The following ADCYAP1R1 variants were observed in gnomAD, a reference collection of about 807,000 sequenced individuals.
ADCYAP1R1 encodes the protein ADCYAP receptor type I.
ADCYAP1R1 carries 44 observed loss-of-function variants against 67.6 expected under a neutral mutation model. The observed-to-expected ratio is 0.65, with a 90% confidence interval of 0.51 to 0.84. The LOEUF (loss-of-function observed/expected upper bound fraction) is 0.84, where lower values mean the gene tolerates loss of function less well. ADCYAP1R1 is among the 40% of genes least tolerant of loss of function. The probability of loss-of-function intolerance (pLI) is 0.00; values close to 1 mark genes in which losing one functional copy is unlikely to be tolerated. For synonymous variants in ADCYAP1R1, 222 were observed against 219.6 expected (o/e 1.01, Z -0.10); for missense variants, 477 against 587.9 (o/e 0.81, Z 1.95).
At chr7:31,058,940 G>A (rs1407172028) in intron 1 of ADCYAP1R1, among the ~76,000 whole-genome samples, 2 of 152,198 alleles carry the variant, frequency 1.3e-5, no homozygotes, top group Admixed American at 6.5e-5. Flanking sequence ...GCCATAGAAG[G>A]AGCTAATGCT....
intron 13 of ADCYAP1R1, among the ~76,000 whole-genome samples, chr7:31,096,998 C>T (rs949984868): frequency 6.6e-6 from 1 of 152,266 alleles, no homozygotes; most frequent in African/African-American, 2.4e-5. Context: ...CTGCACACCA[C>T]AGCTGCGGAA....
chr7:31,069,925 T>C (rs1794904243), intron 3 of ADCYAP1R1, among the ~76,000 whole-genome samples: 1 of 152,184 alleles, frequency 6.6e-6, no homozygotes, highest in African/African-American at 2.4e-5. Context: ...GGAGACATAG[T>C]CATTTTGTCC....
At chr7:31,090,616 A>G (rs1205575955) in intron 12 of ADCYAP1R1, among the ~76,000 whole-genome samples, 3 of 152,106 alleles carry the variant, frequency 2.0e-5, no homozygotes. Context: ...TGCCATTTTT[A>G]TGTCCATGAG....
chr7:31,091,156 T>C (rs1795947329), intron 12 of ADCYAP1R1, among the ~76,000 whole-genome samples: 1 of 152,258 alleles, frequency 6.6e-6, no homozygotes, highest in Non-Finnish European at 1.5e-5. Flanking sequence ...TGATTCTCAT[T>C]TCTCTGATGA....
intron 3 of ADCYAP1R1, among the ~76,000 whole-genome samples, chr7:31,066,060 A>G (rs1794724804): frequency 9.4e-6 from 1 of 106,146 alleles, no homozygotes; most frequent in African/African-American, 3.8e-5. Context: ...GGGCCCCACC[A>G]GTGAGGGAAA....
Position 31,102,316 on chromosome 7 carries a change from G to A in ADCYAP1R1, c.1047-921G>A, listed in dbSNP as rs184286774. On this transcript the variant is annotated intron_variant, in intron 13 of 15. Transcript: ENST00000304166. This position sits in a 1 kb window ranked among gnomAD's most constrained non-coding sequence, Gnocchi z 4.3. ...CTGCGGGGCAGGCCACATCTGCAGGGCAGAGCTGGACTCTCTGGGGGAGAC... is the reference window on the plus strand; with the variant it reads ...CTGCGGGGCAGGCCACATCTGCAGGACAGAGCTGGACTCTCTGGGGGAGAC... 6.6e-6 allele frequency among the ~76,000 whole-genome samples: 1 copy of A among 152,232 alleles called. No individual in the cohort carries two copies. The highest frequency in any genetic ancestry group is 2.4e-5 in the African/African-American group (1 of 41,470).
chr7:31,076,724 C>T (rs1200747673), intron 3 of ADCYAP1R1, among the ~76,000 whole-genome samples: 1 of 152,202 alleles, frequency 6.6e-6, no homozygotes, highest in Non-Finnish European at 1.5e-5. Flanking sequence ...TTTGTGTCCC[C>T]TGCTGGGCCT....
rs189577865 is a variant in ADCYAP1R1 at position 31,055,461 on chromosome 7, A to T, written c.-72+2783A>T. Among the ~76,000 whole-genome samples, 553 of 152,264 alleles carry T rather than the reference A, an allele frequency of 3.6e-3. 7 individuals carry two copies. The highest frequency in any genetic ancestry group is 2.6e-3 in the Non-Finnish European group (180 of 68,018). ...GCTTGTGTCCATATACAACTACTTA[A>T]TTCCACTGTGTAGCCTACTGCAGCC... On this transcript the variant is annotated intron_variant, in intron 1 of 15. Transcript: ENST00000304166.
intron 1 of ADCYAP1R1, among the ~76,000 whole-genome samples, chr7:31,061,340 G>T (rs1051035621): frequency 6.6e-6 from 1 of 151,856 alleles, no homozygotes; most frequent in African/African-American, 2.4e-5. Context: ...CAGAGCCTTG[G>T]GTTCCCCAGG....
Position 31,086,790 on chromosome 7 carries a change from C to T in ADCYAP1R1, c.824-153C>T, listed in dbSNP as rs559663678. ...CCCTTGGTCTGAGGGAGATATAGAC[C>T]CTCAGGAGGCCTGGGTGTGAGGGAC... On this transcript the variant is annotated intron_variant, in intron 10 of 15. Coordinates refer to ENST00000304166, the MANE Select transcript of ADCYAP1R1 (RefSeq NM_001118.5). This position sits in a 1 kb window ranked among gnomAD's most constrained non-coding sequence, Gnocchi z 5.0. Among the ~76,000 whole-genome samples the T allele has an allele frequency of 2.6e-4, 39 of 152,184 alleles. No individual in the cohort carries two copies. Among genetic ancestry groups the T allele is most frequent in the African/African-American group, 8.7e-4 (36 of 41,530 alleles).
chr7:31,084,695 A>G, intron 7 of ADCYAP1R1, 42 bp from the exon 8 acceptor site: 1 of 1,541,974 alleles, frequency 6.5e-7, no homozygotes, highest in Non-Finnish European at 9.0e-7. Context: ...GGCTGTGGGC[A>G]GGTCTCACAT....
intron 3 of ADCYAP1R1, among the ~76,000 whole-genome samples, chr7:31,067,345 A>T (rs1794778843): frequency 2.0e-5 from 3 of 152,144 alleles, no homozygotes; most frequent in Admixed American, 1.3e-4. Flanking sequence ...AGAGGAAAAG[A>T]GTAAAGGCCC....
intron 9 of ADCYAP1R1, 60 bp downstream of exon 9, chr7:31,085,502 G>T (rs1262167362): frequency 1.3e-6 from 2 of 1,549,980 alleles, no homozygotes; most frequent in South Asian, 1.2e-5. Flanking sequence ...CCATCCCCTT[G>T]GTTCCCCAGG....
rs1261531826 is a variant in ADCYAP1R1, at chr7:31,084,127, T to C, written c.329-14T>C. 3.7e-6 allele frequency: 6 copies of C among 1,612,814 alleles called. No homozygotes were observed. The highest frequency in any genetic ancestry group is 4.5e-5 in the East Asian group (2 of 44,886). On this transcript the variant is annotated splice_polypyrimidine_tract_variant and intron_variant, in intron 6 of 15. Coordinates refer to ENST00000304166, the MANE Select transcript of ADCYAP1R1 (RefSeq NM_001118.5). ...ATCATTTCTGGGCCTCGCTGAGTTT[T>C]CTTTTTGCTGCAGACATGGGAGTGG...
Position 31,092,682 on chromosome 7 carries a change from T to A in ADCYAP1R1, c.993T>A (p.Leu331=), listed in dbSNP as rs1584528860. The A allele has an allele frequency of 1.2e-6, 2 of 1,613,006 alleles. No individual in the cohort carries two copies. The highest frequency in any genetic ancestry group is 3.3e-5 in the Admixed American group (2 of 59,950). Residue 331 remains leucine (L), a synonymous_variant, in exon 13 of 16, where the codon CTT becomes CTA. Coordinates refer to ENST00000304166, the MANE Select transcript of ADCYAP1R1 (RefSeq NM_001118.5). ...FVLFIGIIVI[L]VQKLQSPDMG... is the part of the protein sequence containing the mutation. Reference sequence around the variant, plus strand: ...TTTTTATTGGCATTATCGTCATCCTTGTGCAGAAACTTCAGTCTCCAGACA... The same window carrying A: ...TTTTTATTGGCATTATCGTCATCCTAGTGCAGAAACTTCAGTCTCCAGACA...
At chr7:31,055,493 G>T (rs1794202193) in intron 1 of ADCYAP1R1, among the ~76,000 whole-genome samples, 1 of 152,176 alleles carries the variant, frequency 6.6e-6, no homozygotes, top group African/African-American at 2.4e-5. Flanking sequence ...AGCCTTAGAT[G>T]ATATGTAAAC....
At chr7:31,089,662 T>C (rs1020545058) in intron 12 of ADCYAP1R1, among the ~76,000 whole-genome samples, 2 of 152,190 alleles carry the variant, frequency 1.3e-5, no homozygotes, top group Non-Finnish European at 2.9e-5. Context: ...CATTTAACAT[T>C]TTCATGCAGA....
At chr7:31,056,256 G>A (rs1794235987) in intron 1 of ADCYAP1R1, among the ~76,000 whole-genome samples, 1 of 152,136 alleles carries the variant, frequency 6.6e-6, no homozygotes, top group Non-Finnish European at 1.5e-5. Context: ...GGTGGTGGTG[G>A]GGGTTTGAGT....
rs557182668 is a variant in ADCYAP1R1 at position 31,063,425 on chromosome 7, T to A, written c.51+110T>A. The A allele has an allele frequency of 6.2e-6, 8 of 1,293,932 alleles. No individual in the cohort carries two copies. The East Asian group carries it at 9.6e-5, about 16-fold the overall frequency. 80.2% of individuals were successfully genotyped at this position (1,293,932 alleles called of 1,614,324 possible). On this transcript the variant is annotated intron_variant, in intron 2 of 15. Coordinates refer to ENST00000304166, the MANE Select transcript of ADCYAP1R1 (RefSeq NM_001118.5). ...AGCTCAGCTCTTCATCTGGCTGGTA[T>A]TTCTGCCAACACCACCACTGGGCCA...
Sources: gnomAD v4.1 joint callset for allele counts (sites outside exome capture counted in the v4.1 genomes callset) on GRCh38, gnomAD v4.1.1 for gene constraint, Gnocchi (gnomAD v3.1) non-coding constraint, MANE v1.5 for transcripts, NCBI Gene and HGNC (gene_info 2026-07-23, HGNC 2026-07-21) for gene names.